The following DLG2 variants were observed in gnomAD, a reference collection of about 807,000 sequenced individuals.
The protein encoded by DLG2 is disks large homolog 2.
A neutral mutation model predicts 132.5 loss-of-function variants in DLG2; 45 were observed. The observed-to-expected ratio is 0.34, with a 90% CI of 0.27 to 0.44. The LOEUF is 0.44. Among genes scored for constraint, DLG2 ranks in the 20% least tolerant of loss-of-function variants. The pLI is 1.00. For missense variants in DLG2, 1,045 were observed against 1,196.9 expected (o/e 0.87, Z 1.87); for synonymous variants, 424 against 419.6 (o/e 1.01, Z -0.13).
At chr11:84,177,737 A>G (rs1420930156) in intron 8 of DLG2, among the ~76,000 whole-genome samples, 1 of 152,180 alleles carries the variant, frequency 6.6e-6, no homozygotes, top group East Asian at 1.9e-4. Context: ...GTCAAAATGA[A>G]TATCATAGGA....
intron 6 of DLG2, among the ~76,000 whole-genome samples, chr11:84,652,932 G>GTTT (rs539310938): frequency 2.9e-5 from 4 of 136,138 alleles, no homozygotes; most frequent in African/African-American, 2.7e-5. Flanking sequence ...AATATTGGAG[G>GTTT]TTTTTTTTTT....
chr11:84,278,813 T>G (rs1189518070), intron 7 of DLG2, among the ~76,000 whole-genome samples: 1 of 151,970 alleles, frequency 6.6e-6, no homozygotes, highest in Admixed American at 6.6e-5. Flanking sequence ...TTTTATTTAT[T>G]TATTTATTTA....
At chr11:85,012,914 T>C (rs2059271087) in intron 6 of DLG2, among the ~76,000 whole-genome samples, 1 of 152,202 alleles carries the variant, frequency 6.6e-6, no homozygotes, top group African/African-American at 2.4e-5. Flanking sequence ...GCCTGTGTCA[T>C]CATTTGTAAA....
chr11:85,473,521 C>T, intron 3 of DLG2, among the ~76,000 whole-genome samples: 1 of 151,412 alleles, frequency 6.6e-6, no homozygotes, highest in East Asian at 1.9e-4. Context: ...CATGAAGAGA[C>T]CAGAGTGAAG....
At chr11:83,625,343 GA>G (rs2062333811) in intron 19 of DLG2, among the ~76,000 whole-genome samples, 1 of 152,176 alleles carries the variant, frequency 6.6e-6, no homozygotes, top group African/African-American at 2.4e-5. Context: ...CTGGAGTGAA[GA>G]ATCCTGCCAT....
In DLG2 at chr11:83,961,803, C is replaced by T. The variant is rs1565820601; in HGVS notation, c.1340+1082G>A. On this transcript the variant is annotated intron_variant, in intron 14 of 27. Transcript: ENST00000376104. ...GCCGTGAGGATTATCTTTGCCGCAG[C>T]CCTCATTTTAATTAAGAGCATAGAG... Among the ~76,000 whole-genome samples, 9 of 151,942 alleles carry T rather than the reference C, an allele frequency of 5.9e-5. No homozygotes were observed. The South Asian group carries it at 1.9e-3, about 32-fold the overall frequency.
intron 3 of DLG2, among the ~76,000 whole-genome samples, chr11:85,370,738 T>C (rs1211431927): frequency 6.6e-6 from 1 of 152,172 alleles, no homozygotes; most frequent in Admixed American, 6.6e-5. Flanking sequence ...ACCTGGCTTT[T>C]TGAGTACTTC....
At chr11:85,458,755 C>A (rs958208038) in intron 3 of DLG2, among the ~76,000 whole-genome samples, 1 of 152,244 alleles carries the variant, frequency 6.6e-6, no homozygotes, top group South Asian at 2.1e-4. Context: ...GGCCTGTAGG[C>A]AGCCACTTAA....
At chr11:84,358,958 G>A in intron 7 of DLG2, among the ~76,000 whole-genome samples, 1 of 151,804 alleles carries the variant, frequency 6.6e-6, no homozygotes, top group East Asian at 1.9e-4. Flanking sequence ...CTCTTACATT[G>A]TTCTTTACTT....
intron 7 of DLG2, among the ~76,000 whole-genome samples, chr11:84,375,314 A>T (rs2098724555): frequency 6.6e-6 from 1 of 152,126 alleles, no homozygotes; most frequent in Admixed American, 6.6e-5. Context: ...TTCTGAGTGA[A>T]TGAATGCATG....
intron 18 of DLG2, among the ~76,000 whole-genome samples, chr11:83,757,632 A>G (rs2093704897): frequency 6.6e-6 from 1 of 152,168 alleles, no homozygotes; most frequent in African/African-American, 2.4e-5. Flanking sequence ...GTTGATCAGA[A>G]ACAGGGATCC....
intron 4 of DLG2, among the ~76,000 whole-genome samples, chr11:85,222,900 C>A (rs1354259710): frequency 1.3e-5 from 2 of 152,094 alleles, no homozygotes; most frequent in Non-Finnish European, 2.9e-5. Context: ...CAGACACTAC[C>A]TTTATCACTT....
chr11:84,528,253 C>T (rs1259404343), intron 7 of DLG2, among the ~76,000 whole-genome samples: 1 of 152,084 alleles, frequency 6.6e-6, no homozygotes, highest in Admixed American at 6.6e-5. Context: ...GAGAATGCAT[C>T]CCCACCTTGA....
intron 6 of DLG2, among the ~76,000 whole-genome samples, chr11:84,552,690 G>C (rs937305560): frequency 6.6e-6 from 1 of 152,148 alleles, no homozygotes; most frequent in African/African-American, 2.4e-5. Flanking sequence ...TATGGCTGTA[G>C]GACCTGTGCC....
intron 6 of DLG2, among the ~76,000 whole-genome samples, chr11:84,991,245 A>T (rs747113799): frequency 4.6e-5 from 7 of 152,192 alleles, no homozygotes; most frequent in Non-Finnish European, 1.0e-4. Flanking sequence ...CATAGTGGCC[A>T]GTGCCTGTAA....
rs61660286 is a variant in DLG2 at position 85,608,313 on chromosome 11, C to T, written c.-92-9525G>A. Among the ~76,000 whole-genome samples the T allele has an allele frequency of 8.2e-3, 1,241 of 152,186 alleles. 17 individuals are homozygous for T. The highest frequency in any genetic ancestry group is 0.029 in the African/African-American group (1,206 of 41,520). On this transcript the variant is annotated intron_variant, in intron 2 of 27. Transcript: ENST00000376104. ...CAAAAACCCTGAAAAAGAGGTGGCT[C>T]ATTTTTTTCTGCACTATGGTCTGGC...
chr11:84,086,080 A>G (rs989462061), intron 10 of DLG2, among the ~76,000 whole-genome samples: 1 of 152,212 alleles, frequency 6.6e-6, no homozygotes, highest in African/African-American at 2.4e-5. Context: ...GCTTGTTTAA[A>G]GATTACTTAC....
chr11:85,425,958 C>CG (rs2153002882), intron 3 of DLG2, among the ~76,000 whole-genome samples: 1 of 152,320 alleles, frequency 6.6e-6, no homozygotes, highest in African/African-American at 2.4e-5. Flanking sequence ...GCTTTTCCAA[C>CG]GGTCTTAGCA....
At position 84,262,123 on chromosome 11, in the gene DLG2, T is replaced by C. The variant is rs1003804806; in HGVS notation, c.520-10832A>G. 2.7e-5 allele frequency among the ~76,000 whole-genome samples: 4 copies of C among 149,624 alleles called. No homozygotes were observed. The East Asian group carries it at 5.8e-4, about 22-fold the overall frequency. On this transcript the variant is annotated intron_variant, in intron 7 of 27. Transcript: ENST00000376104. ...ACATATTCCAATTATGATTATCTTA[T>C]AGATAAGGAAAGTGAGGCATGGACC...
Sources: allele counts gnomAD v4.1 joint callset (sites outside exome capture counted in the v4.1 genomes callset), GRCh38; gene constraint gnomAD v4.1.1; transcripts MANE v1.5; gene names NCBI Gene and HGNC (gene_info 2026-07-23, HGNC 2026-07-21).